The following GNAI1 variants were observed in gnomAD, a reference collection of about 807,000 sequenced individuals.
The protein encoded by GNAI1 is guanine nucleotide-binding protein G(i) subunit alpha-1.
In GNAI1, 11 loss-of-function variants were observed where a neutral mutation model predicts 38.9. The observed-to-expected ratio is 0.28, with a 90% CI of 0.18 to 0.47. The LOEUF is 0.47. GNAI1 is among the 20% of genes least tolerant of loss of function. The pLI is 0.99. For missense variants in GNAI1, 317 were observed against 436.9 expected, an observed-to-expected ratio of 0.73 and a Z score of 2.45; for synonymous variants, 166 against 145.1, an observed-to-expected ratio of 1.14 and a Z score of -1.04.
Position 80,221,313 on chromosome 7 carries a change from T to A in GNAI1, c.*3820T>A, listed in dbSNP as rs1027762572. 6.6e-6 allele frequency among the ~76,000 whole-genome samples: 1 copy of A among 152,184 alleles called. No homozygotes were observed. The highest frequency in any genetic ancestry group is 1.5e-5 in the Non-Finnish European group (1 of 68,016). ...TTGTCAGCATTAAATAAGTTCACAGTACATGTTAAGTACCTAGAGGGGAGT... is the reference window on the plus strand; with the variant it reads ...TTGTCAGCATTAAATAAGTTCACAGAACATGTTAAGTACCTAGAGGGGAGT... On this transcript the variant is annotated 3_prime_UTR_variant, in exon 8 of 8. Coordinates refer to ENST00000649796, the MANE Select transcript of GNAI1 (RefSeq NM_002069.6).
rs1409866443 is a variant in GNAI1 at position 80,210,956 on chromosome 7, C to T, written c.591-13C>T. The T allele has an allele frequency of 2.5e-6, 4 of 1,610,528 alleles. No homozygotes were observed. The highest frequency in any genetic ancestry group is 3.3e-5 in the Admixed American group (2 of 59,968). On this transcript the variant is annotated splice_polypyrimidine_tract_variant and intron_variant, in intron 5 of 7. Coordinates refer to ENST00000649796, the MANE Select transcript of GNAI1 (RefSeq NM_002069.6). The stretch of plus-strand genomic sequence containing the variant: ...CATTTAATGTGATGTTAACTCATTT[C>T]TCCTCTTAACAGAATGTTTGATGTG...
chr7:80,161,552 G>A (rs901994069), intron 1 of GNAI1, among the ~76,000 whole-genome samples: 1 of 152,064 alleles, frequency 6.6e-6, no homozygotes, highest in African/African-American at 2.4e-5. Flanking sequence ...AATTGTTTGT[G>A]TCAAACAAAG....
At chr7:80,202,568 A>C (rs1186316019) in intron 4 of GNAI1, among the ~76,000 whole-genome samples, 2 of 152,228 alleles carry the variant, frequency 1.3e-5, no homozygotes, top group Non-Finnish European at 2.9e-5. Flanking sequence ...GTACTGGAGG[A>C]TTATCACCAA....
chr7:80,138,134 A>G (rs907331635), intron 1 of GNAI1, among the ~76,000 whole-genome samples: 6 of 152,098 alleles, frequency 3.9e-5, no homozygotes, highest in Admixed American at 6.6e-5. Context: ...TTCTCATCAC[A>G]TGATGTTTTT....
intron 1 of GNAI1, among the ~76,000 whole-genome samples, chr7:80,170,238 C>T (rs1050219800): frequency 6.6e-6 from 1 of 152,112 alleles, no homozygotes; most frequent in Non-Finnish European, 1.5e-5. Flanking sequence ...AGTGGTTGTA[C>T]CATTTACATT....
chr7:80,166,470 A>G (rs2116143642), intron 1 of GNAI1, among the ~76,000 whole-genome samples: 1 of 152,324 alleles, frequency 6.6e-6, no homozygotes, highest in East Asian at 1.9e-4. Flanking sequence ...ACAAATAATC[A>G]TAAAGTAGAC....
At chr7:80,217,246 T>C in intron 7 of GNAI1, 57 bp from the exon 8 acceptor site, 1 of 1,152,018 alleles carries the variant, frequency 8.7e-7, no homozygotes, top group Non-Finnish European at 1.2e-6. Flanking sequence ...GAATTCAGTA[T>C]TTTAAGCAGT....
chr7:80,208,147 A>G (rs1312757413), intron 5 of GNAI1, among the ~76,000 whole-genome samples: 2 of 152,132 alleles, frequency 1.3e-5, no homozygotes, highest in African/African-American at 2.4e-5. Context: ...AGCATGTCCA[A>G]CATCTCCTTC....
chr7:80,202,908 T>G (rs950266035), intron 4 of GNAI1, among the ~76,000 whole-genome samples: 4 of 152,200 alleles, frequency 2.6e-5, no homozygotes, highest in Admixed American at 1.3e-4. Context: ...TCATTCCTTT[T>G]CTTCCATCCC....
chr7:80,187,187 GTGTGTGTGTGTGTGTGTGTCTT>G (rs778133646), intron 1 of GNAI1: 5,794 of 32,790 alleles, frequency 0.18, 172 homozygotes, highest in East Asian at 0.35. Context: ...GATGATTTGG[GTGTGTGTGTGTGTGTGTGTCTT>G]TGTGTGTGTG....
chr7:80,166,562 A>C (rs1035513491), intron 1 of GNAI1, among the ~76,000 whole-genome samples: 1 of 152,198 alleles, frequency 6.6e-6, no homozygotes, highest in Non-Finnish European at 1.5e-5. Context: ...TTCCATTTAC[A>C]TACTGATATT....
Position 80,181,097 on chromosome 7 carries a change from G to A in GNAI1, c.119-7854G>A, listed in dbSNP as rs1187716393. Among the ~76,000 whole-genome samples, 4 of 152,038 alleles carry A rather than the reference G, an allele frequency of 2.6e-5. No individual in the cohort carries two copies. In the East Asian group the frequency reaches 5.8e-4, roughly 22 times the overall value. On this transcript the variant is annotated intron_variant, in intron 1 of 7. Transcript: ENST00000649796. ...TCACTGTATCTTAAGTGATTGTTTT[G>A]TAAGTTTTTATATATATATATTACA...
At chr7:80,204,941 C>G (rs1194924788) in intron 5 of GNAI1, among the ~76,000 whole-genome samples, 1 of 152,138 alleles carries the variant, frequency 6.6e-6, no homozygotes, top group Admixed American at 6.6e-5. Context: ...ACAGATGTTC[C>G]TTTTTTGCTT....
rs147973110 is a variant in GNAI1 at position 80,177,360 on chromosome 7, A to C, written c.119-11591A>C. ...ATCTTTTTAGAGCGTGGTTTTCCTAATATCTTAAGCCCAGTGTTAAGACCT... is the reference window on the plus strand; with the variant it reads ...ATCTTTTTAGAGCGTGGTTTTCCTACTATCTTAAGCCCAGTGTTAAGACCT... On this transcript the variant is annotated intron_variant, in intron 1 of 7. Coordinates refer to ENST00000649796, the MANE Select transcript of GNAI1 (RefSeq NM_002069.6). Among the ~76,000 whole-genome samples, 659 of 152,222 alleles carry C rather than the reference A, an allele frequency of 4.3e-3. 5 individuals carry two copies. The highest frequency in any genetic ancestry group is 0.015 in the African/African-American group (621 of 41,548).
rs187469227 is a variant in GNAI1 at position 80,218,680 on chromosome 7, A to G, written c.*1187A>G. The G allele has an allele frequency of 2.3e-4, 35 of 152,248 alleles. No individual in the cohort carries two copies. The highest frequency in any genetic ancestry group is 7.0e-4 in the African/African-American group (29 of 41,558). 9.4% of individuals were successfully genotyped at this position (152,248 alleles called of 1,614,324 possible). ...TTACTTTTTTCCCTTAGATAATTCA[A>G]ATTTCTCCACTTGCTTGAGATTATA... On this transcript the variant is annotated 3_prime_UTR_variant, in exon 8 of 8. Transcript: ENST00000649796.
chr7:80,197,202 C>G (rs1788593460), intron 3 of GNAI1, among the ~76,000 whole-genome samples: 2 of 136,128 alleles, frequency 1.5e-5, no homozygotes, highest in Non-Finnish European at 3.1e-5. Flanking sequence ...TTTTTGGAGA[C>G]CTGGAGGACA....
chr7:80,170,343 G>A (rs973410851), intron 1 of GNAI1, among the ~76,000 whole-genome samples: 3 of 152,166 alleles, frequency 2.0e-5, no homozygotes, highest in African/African-American at 7.2e-5. Flanking sequence ...TAGTGGGTGT[G>A]AAGTAGTACC....
intron 1 of GNAI1, among the ~76,000 whole-genome samples, chr7:80,156,020 G>T (rs1787811263): frequency 7.4e-6 from 1 of 135,894 alleles, no homozygotes; most frequent in Admixed American, 8.0e-5. Context: ...TCCAGCCTGG[G>T]CAACAGAGCA....
At chr7:80,186,277 C>T (rs183427398) in intron 1 of GNAI1, among the ~76,000 whole-genome samples, 4 of 152,036 alleles carry the variant, frequency 2.6e-5, no homozygotes, top group African/African-American at 9.6e-5. Flanking sequence ...GTGATCTGCC[C>T]GCCTCAGCCT....
Sources: gnomAD v4.1 joint callset for allele counts (sites outside exome capture counted in the v4.1 genomes callset) on GRCh38, gnomAD v4.1.1 for gene constraint, MANE v1.5 for transcripts, NCBI Gene and HGNC (gene_info 2026-07-23, HGNC 2026-07-21) for gene names.